SHANK2: variants seen among roughly 807,000 people sequenced by gnomAD.
SHANK2 encodes the protein SH3 and multiple ankyrin repeat domains protein 2.
In SHANK2, 43 loss-of-function variants were observed where a neutral mutation model predicts 133.7. The ratio of observed to expected loss-of-function variants is 0.32; its 90% CI spans 0.25 to 0.41. SHANK2 has a LOEUF of 0.41. Ranked by LOEUF, SHANK2 falls within the 10% of genes least tolerant of loss-of-function variation. The pLI, the probability that SHANK2 is intolerant of heterozygous loss-of-function variation, is 1.00. For synonymous variants in SHANK2, 1,017 were observed against 952.8 expected (o/e 1.07, Z -1.24); for missense variants, 1,994 against 2,235.8 (o/e 0.89, Z 2.18).
At chr11:70,599,288 T>C (rs2060444383) in intron 17 of SHANK2, among the ~76,000 whole-genome samples, 1 of 152,146 alleles carries the variant, frequency 6.6e-6, no homozygotes, top group South Asian at 2.1e-4. Context: ...AAGCTCTTTG[T>C]GGAGATACTT....
At chr11:70,531,178 A>C (rs1449571498) in intron 17 of SHANK2, among the ~76,000 whole-genome samples, 2 of 151,324 alleles carry the variant, frequency 1.3e-5, no homozygotes, top group African/African-American at 4.9e-5. Flanking sequence ...AAAAAAAAAA[A>C]AAACAAAAAG....
chr11:71,236,455 T>C lies in SHANK2; in HGVS notation c.-112-11659A>G, dbSNP rs140041776. 3.0e-4 allele frequency among the ~76,000 whole-genome samples: 46 copies of C among 152,208 alleles called. 1 individual carries two copies. Among genetic ancestry groups the C allele is most frequent in the African/African-American group, 1.1e-3 (44 of 41,546 alleles). On this transcript the variant is annotated intron_variant, in intron 1 of 25. Coordinates refer to ENST00000601538, the MANE Select transcript of SHANK2 (RefSeq NM_012309.5). ...GGTGAAACCCCATCTCTACCAAAAA[T>C]ATAAAAATTAGCCATGTGTGGTGGC...
Position 70,687,568 on chromosome 11 carries a change from C to T in SHANK2, c.1853+11120G>A, listed in dbSNP as rs533369307. ...TCAAGGTGGATATAAGACAGGAGCA[C>T]GAGAGGGGCCAGGTACAGTGTGGGG... On this transcript the variant is annotated intron_variant, in intron 15 of 25. Coordinates refer to ENST00000601538, the MANE Select transcript of SHANK2 (RefSeq NM_012309.5). Among the ~76,000 whole-genome samples, 129 of 99,982 alleles carry T rather than the reference C, an allele frequency of 1.3e-3. 1 individual carries two copies. The highest frequency in any genetic ancestry group is 4.7e-3 in the African/African-American group (121 of 25,578). 65.6% of individuals were successfully genotyped at this position (99,982 alleles called of 152,430 possible).
intron 2 of SHANK2, among the ~76,000 whole-genome samples, chr11:71,167,327 C>T (rs1373721647): frequency 6.6e-6 from 1 of 151,956 alleles, no homozygotes; most frequent in African/African-American, 2.4e-5. Context: ...GGGGTGGTGG[C>T]CGGGCAGAGG....
At chr11:70,549,997 A>G (rs76412320) in intron 17 of SHANK2, among the ~76,000 whole-genome samples, 3,587 of 152,146 alleles carry the variant, frequency 0.024, 79 homozygotes, top group East Asian at 0.1. Context: ...TGTGCAGGGC[A>G]CTGCCCTGTA....
At chr11:70,582,136 A>C (rs973875398) in intron 17 of SHANK2, among the ~76,000 whole-genome samples, 5 of 152,224 alleles carry the variant, frequency 3.3e-5, no homozygotes, top group African/African-American at 1.2e-4. Flanking sequence ...CAGGGCGGAG[A>C]GTCCAAGGTG....
chr11:70,703,131 A>T (rs932135022), intron 14 of SHANK2, among the ~76,000 whole-genome samples: 1 of 152,234 alleles, frequency 6.6e-6, no homozygotes, highest in Non-Finnish European at 1.5e-5. Flanking sequence ...TGCTGACAGC[A>T]ACCAATGGCC....
chr11:71,088,392 T>C (rs1213700211), intron 8 of SHANK2, among the ~76,000 whole-genome samples: 1 of 152,152 alleles, frequency 6.6e-6, no homozygotes, highest in Non-Finnish European at 1.5e-5. Flanking sequence ...ACAAACAACA[T>C]TGAGTGGTTT....
chr11:70,756,619 A>G (rs1946879171), intron 14 of SHANK2, among the ~76,000 whole-genome samples: 1 of 152,142 alleles, frequency 6.6e-6, no homozygotes, highest in Non-Finnish European at 1.5e-5. Flanking sequence ...GTTCCATGGC[A>G]TCATACTGGA....
At chr11:71,133,057 G>T (rs1333584445) in intron 3 of SHANK2, among the ~76,000 whole-genome samples, 1 of 152,042 alleles carries the variant, frequency 6.6e-6, no homozygotes, top group African/African-American at 2.4e-5. Context: ...CAAAGGACAT[G>T]GCGGGGCTAC....
At chr11:71,204,574 G>C (rs1304477833) in intron 2 of SHANK2, among the ~76,000 whole-genome samples, 18 of 152,198 alleles carry the variant, frequency 1.2e-4, no homozygotes, top group African/African-American at 4.3e-4. Flanking sequence ...ACTTCACCCT[G>C]ACACCTGGAC....
intron 14 of SHANK2, among the ~76,000 whole-genome samples, chr11:70,708,868 C>A (rs932195194): frequency 3.3e-5 from 5 of 152,156 alleles, no homozygotes; most frequent in Admixed American, 3.3e-4. Context: ...GATTGAAAGG[C>A]CTTCTGATGT....
At chr11:71,085,632 T>A (rs1471168935) in intron 8 of SHANK2, among the ~76,000 whole-genome samples, 66 of 66,456 alleles carry the variant, frequency 9.9e-4, no homozygotes, top group African/African-American at 3.7e-3. Flanking sequence ...TATATTATAA[T>A]ATATATAATA....
At chr11:70,808,453 C>T (rs1431883787) in intron 12 of SHANK2, among the ~76,000 whole-genome samples, 6 of 150,882 alleles carry the variant, frequency 4.0e-5, no homozygotes, top group East Asian at 3.9e-4. Flanking sequence ...CCACCTGCCT[C>T]GGCCTCCCAA....
intron 11 of SHANK2, among the ~76,000 whole-genome samples, chr11:70,876,103 C>A (rs548005424): frequency 3.4e-4 from 51 of 151,678 alleles, no homozygotes; most frequent in Non-Finnish European, 7.1e-4. Context: ...TTGCAGTGAG[C>A]CGAGATCACA....
chr11:71,165,169 G>A (rs1229743787), intron 2 of SHANK2, among the ~76,000 whole-genome samples: 3 of 151,996 alleles, frequency 2.0e-5, no homozygotes, highest in Non-Finnish European at 4.4e-5. Flanking sequence ...AAGAAGCTGG[G>A]ATTACAGGCA....
At chr11:71,192,476 T>C (rs1953812581) in intron 2 of SHANK2, among the ~76,000 whole-genome samples, 1 of 152,222 alleles carries the variant, frequency 6.6e-6, no homozygotes, top group Non-Finnish European at 1.5e-5. Context: ...CCTCAGTCAC[T>C]GCCTGGAACC....
rs1310819997 is a variant in SHANK2 at position 70,804,834 on chromosome 11, G to A, written c.1663+2168C>T. ...TGCCTACCACTGCCAGCCTGTGGGA[G>A]ACTCGGATCCACTGATGGGGCTCAT... On this transcript the variant is annotated intron_variant, in intron 13 of 25. Transcript: ENST00000601538. The surrounding 1 kb of genome is among the most constrained non-coding windows in gnomAD (Gnocchi z 4.1). 3.3e-5 allele frequency among the ~76,000 whole-genome samples: 5 copies of A among 152,176 alleles called. No individual in the cohort carries two copies. The highest frequency in any genetic ancestry group is 3.3e-4 in the Admixed American group (5 of 15,280).
chr11:70,809,137 G>A (rs1948227989), intron 12 of SHANK2, among the ~76,000 whole-genome samples: 1 of 152,196 alleles, frequency 6.6e-6, no homozygotes, highest in South Asian at 2.1e-4. Context: ...GAGGAAGTTG[G>A]CCAGAAATTC....
Sources: allele counts gnomAD v4.1 joint callset (sites outside exome capture counted in the v4.1 genomes callset), GRCh38; gene constraint gnomAD v4.1.1; non-coding constraint Gnocchi (gnomAD v3.1); transcripts MANE v1.5; gene names NCBI Gene and HGNC (gene_info 2026-07-23, HGNC 2026-07-21).